Variants in MACROD2 observed in about 807,000 individuals in gnomAD.
The protein encoded by MACROD2 is mono-ADP ribosylhydrolase 2.
Under a neutral mutation model 70.4 loss-of-function variants are expected in MACROD2, and 36 were observed. The observed-to-expected ratio is 0.51, with a 90% CI of 0.39 to 0.68. The LOEUF (loss-of-function observed/expected upper bound fraction) is 0.68. Among genes scored for constraint, MACROD2 ranks in the 30% least tolerant of loss-of-function variants. The pLI, the probability that MACROD2 is intolerant of heterozygous loss-of-function variation, is 0.00. For synonymous variants in MACROD2, 172 were observed against 178.8 expected (o/e 0.96, Z 0.30); for missense variants, 496 against 538.4 (o/e 0.92, Z 0.78).
At chr20:14,241,907 T>C (rs2081932709) in intron 3 of MACROD2, among the ~76,000 whole-genome samples, 1 of 152,170 alleles carries the variant, frequency 6.6e-6, no homozygotes, top group African/African-American at 2.4e-5. Context: ...CTTCAGAAAA[T>C]GTATGTTAAT....
At chr20:15,738,834 T>C (rs1298148599) in intron 8 of MACROD2, among the ~76,000 whole-genome samples, 1 of 152,038 alleles carries the variant, frequency 6.6e-6, no homozygotes, top group African/African-American at 2.4e-5. Context: ...TTGAAACAGA[T>C]GTTCTGTCGG....
intron 7 of MACROD2, among the ~76,000 whole-genome samples, chr20:15,494,712 C>G (rs959366047): frequency 1.3e-5 from 2 of 150,114 alleles, no homozygotes; most frequent in African/African-American, 2.5e-5. Flanking sequence ...TTAGAAGTAT[C>G]TTATACCTTG....
intron 5 of MACROD2, among the ~76,000 whole-genome samples, chr20:14,822,275 C>T (rs1174617705): frequency 6.6e-6 from 1 of 152,096 alleles, no homozygotes; most frequent in Non-Finnish European, 1.5e-5. Flanking sequence ...ATTCTAGCTA[C>T]TGAAAACCCA....
chr20:14,463,081 G>A (rs930044788), intron 3 of MACROD2, among the ~76,000 whole-genome samples: 3 of 152,048 alleles, frequency 2.0e-5, no homozygotes, highest in Non-Finnish European at 2.9e-5. Context: ...GAAAGTCATT[G>A]GTAGCTTGAT....
intron 3 of MACROD2, among the ~76,000 whole-genome samples, chr20:14,132,193 G>A (rs1474494484): frequency 6.7e-6 from 1 of 150,186 alleles, no homozygotes; most frequent in African/African-American, 2.4e-5. Flanking sequence ...CTGCAGGTGT[G>A]TGCCACCACA....
At chr20:15,009,673 T>C (rs185758351) in intron 5 of MACROD2, among the ~76,000 whole-genome samples, 80 of 152,272 alleles carry the variant, frequency 5.3e-4, no homozygotes, top group African/African-American at 1.8e-3. Flanking sequence ...AATTTAGCTT[T>C]TGAAATAGAA....
chr20:14,510,776 A>G (rs1419201215), intron 4 of MACROD2, among the ~76,000 whole-genome samples: 2 of 152,116 alleles, frequency 1.3e-5, no homozygotes, highest in Non-Finnish European at 2.9e-5. Context: ...GGGTTTTCTT[A>G]AAGTTTTTTC....
At chr20:14,777,076 T>G (rs1298168614) in intron 5 of MACROD2, among the ~76,000 whole-genome samples, 1 of 152,128 alleles carries the variant, frequency 6.6e-6, no homozygotes, top group Non-Finnish European at 1.5e-5. Flanking sequence ...TGACGGGCAT[T>G]TGATTAGCTT....
At chr20:15,355,790 A>T (rs1394830142) in intron 6 of MACROD2, among the ~76,000 whole-genome samples, 1 of 152,204 alleles carries the variant, frequency 6.6e-6, no homozygotes, top group African/African-American at 2.4e-5. Context: ...AGAACTGGGG[A>T]CAAATACCAT....
intron 5 of MACROD2, among the ~76,000 whole-genome samples, chr20:15,067,083 T>A (rs1250150027): frequency 6.6e-6 from 1 of 152,180 alleles, no homozygotes; most frequent in Non-Finnish European, 1.5e-5. Context: ...TCCTATTTTA[T>A]CTTCTAAGAG....
At chr20:14,670,822 A>G (rs952769387) in intron 4 of MACROD2, among the ~76,000 whole-genome samples, 1 of 152,112 alleles carries the variant, frequency 6.6e-6, no homozygotes, top group Non-Finnish European at 1.5e-5. Flanking sequence ...TTTCTACCAC[A>G]CCATAGTGTA....
intron 4 of MACROD2, among the ~76,000 whole-genome samples, chr20:14,519,253 T>C (rs1326678433): frequency 1.3e-5 from 2 of 152,112 alleles, no homozygotes; most frequent in Non-Finnish European, 2.9e-5. Flanking sequence ...GATTCATTGA[T>C]TTTATGAAGT....
chr20:16,034,029 A>C (rs1452130770), intron 15 of MACROD2, among the ~76,000 whole-genome samples: 1 of 152,008 alleles, frequency 6.6e-6, no homozygotes, highest in Non-Finnish European at 1.5e-5. Flanking sequence ...TTCACACTGG[A>C]TGAATTTTAA....
chr20:15,898,101 C>T (rs7363901), intron 10 of MACROD2, among the ~76,000 whole-genome samples: 13 of 152,218 alleles, frequency 8.5e-5, no homozygotes, highest in Non-Finnish European at 1.8e-4. Flanking sequence ...CAACAGAGAC[C>T]TTTTTTTCCC....
At chr20:15,229,684 G>C (rs2076942761) in intron 5 of MACROD2, among the ~76,000 whole-genome samples, 1 of 152,084 alleles carries the variant, frequency 6.6e-6, no homozygotes, top group African/African-American at 2.4e-5. Context: ...ACTTGAATCT[G>C]ACCAAAAACT....
At chr20:15,651,794 C>A (rs945964480) in intron 8 of MACROD2, among the ~76,000 whole-genome samples, 2 of 152,260 alleles carry the variant, frequency 1.3e-5, no homozygotes, top group African/African-American at 4.8e-5. Context: ...CCATCTCGAT[C>A]TCTATAAATT....
chr20:14,626,082 C>T (rs1984137011), intron 4 of MACROD2, among the ~76,000 whole-genome samples: 1 of 152,142 alleles, frequency 6.6e-6, no homozygotes, highest in Non-Finnish European at 1.5e-5. Context: ...CCTCAGCCTC[C>T]CAAAGTGCTG....
chr20:14,849,772 C>G (rs1418014611), intron 5 of MACROD2: 1 of 269,434 alleles, frequency 3.7e-6, no homozygotes, highest in Non-Finnish European at 7.5e-6. Flanking sequence ...CAGGGCAAGA[C>G]TTTGTCTCAA....
intron 3 of MACROD2, among the ~76,000 whole-genome samples, chr20:14,274,344 C>T (rs6033930): frequency 0.62 from 94,781 of 151,834 alleles, 31,208 homozygotes; most frequent in Non-Finnish European, 0.74. Context: ...GTTCGATATA[C>T]GCAAATCAAT....
Sources: allele counts gnomAD v4.1 joint callset (sites outside exome capture counted in the v4.1 genomes callset), GRCh38; gene constraint gnomAD v4.1.1; transcripts MANE v1.5; gene names NCBI Gene and HGNC (gene_info 2026-07-23, HGNC 2026-07-21).